The following BEAN1 variants were observed in gnomAD, a reference collection of about 807,000 sequenced individuals.
BEAN1 encodes the protein protein BEAN1.
A neutral mutation model predicts 17.7 loss-of-function variants in BEAN1; 17 were observed. That is an observed-to-expected ratio of 0.96 (90% CI 0.66 to 1.44). BEAN1 has a LOEUF of 1.44. BEAN1 is among the 40% of genes most tolerant of loss of function. The probability of loss-of-function intolerance (pLI) is 0.00; values close to 1 mark genes in which losing one functional copy is unlikely to be tolerated. For missense variants in BEAN1, 359 were observed against 374.1 expected (o/e 0.96, Z 0.33); for synonymous variants, 142 against 151.8 (o/e 0.94, Z 0.47).
chr16:66,460,790 G>C (rs1963053194), intron 2 of BEAN1, among the ~76,000 whole-genome samples: 1 of 152,178 alleles, frequency 6.6e-6, no homozygotes, highest in African/African-American at 2.4e-5. Flanking sequence ...ATAGCATATT[G>C]GCTAAGAGCA....
At chr16:66,464,997 G>A (rs1118034) in intron 2 of BEAN1, among the ~76,000 whole-genome samples, 1 of 152,126 alleles carries the variant, frequency 6.6e-6, no homozygotes, top group African/African-American at 2.4e-5. Flanking sequence ...GAAGGTTTTA[G>A]TATTTCACCA....
intron 2 of BEAN1, among the ~76,000 whole-genome samples, chr16:66,460,948 T>A (rs1400974453): frequency 1.3e-5 from 2 of 152,222 alleles, no homozygotes; most frequent in Non-Finnish European, 2.9e-5. Flanking sequence ...TGAGATAATG[T>A]GGTGCATGAC....
chr16:66,464,764 A>G (rs1012806350), intron 2 of BEAN1, among the ~76,000 whole-genome samples: 1 of 152,180 alleles, frequency 6.6e-6, no homozygotes, highest in Non-Finnish European at 1.5e-5. Flanking sequence ...GTATCTTGCA[A>G]CCTTGCTGAA....
chr16:66,472,346 A>G (rs552000662), intron 3 of BEAN1, among the ~76,000 whole-genome samples: 156 of 152,378 alleles, frequency 1.0e-3, no homozygotes, highest in African/African-American at 3.5e-3. Context: ...GAAGCGCTCC[A>G]TGGGCAAGGT....
chr16:66,456,387 G>A (rs1396974715), intron 2 of BEAN1, among the ~76,000 whole-genome samples: 2 of 152,168 alleles, frequency 1.3e-5, no homozygotes, highest in South Asian at 4.1e-4. Flanking sequence ...TAGCCGGTAG[G>A]TGGGCCCAGC....
intron 2 of BEAN1, among the ~76,000 whole-genome samples, chr16:66,443,624 C>G (rs1962338803): frequency 6.6e-6 from 1 of 152,184 alleles, no homozygotes; most frequent in Admixed American, 6.5e-5. Context: ...AAGTCTGACC[C>G]TAGTGAGTAC....
intron 2 of BEAN1, among the ~76,000 whole-genome samples, chr16:66,452,945 C>T (rs1040652057): frequency 1.3e-5 from 2 of 152,146 alleles, no homozygotes; most frequent in African/African-American, 2.4e-5. Context: ...TCTTTGCGAT[C>T]TTGGGCAAGT....
At chr16:66,455,907 G>A (rs957843652) in intron 2 of BEAN1, among the ~76,000 whole-genome samples, 2 of 152,160 alleles carry the variant, frequency 1.3e-5, no homozygotes, top group African/African-American at 4.8e-5. Flanking sequence ...GGGTGGTCTT[G>A]AGCTCCTGCG....
At chr16:66,448,651 G>A (rs998173039) in intron 2 of BEAN1, among the ~76,000 whole-genome samples, 3 of 151,948 alleles carry the variant, frequency 2.0e-5, no homozygotes, top group South Asian at 2.1e-4. Flanking sequence ...GCAAAACCTC[G>A]TCTCTACTAA....
chr16:66,452,384 G>A (rs953313629), intron 2 of BEAN1, among the ~76,000 whole-genome samples: 1 of 152,216 alleles, frequency 6.6e-6, no homozygotes, highest in Non-Finnish European at 1.5e-5. Flanking sequence ...AGGATCAGAG[G>A]ACAAAATCCT....
At chr16:66,490,024 C>A (rs1362902522) in intron 4 of BEAN1, among the ~76,000 whole-genome samples, 1 of 151,794 alleles carries the variant, frequency 6.6e-6, no homozygotes, top group Admixed American at 6.6e-5. Flanking sequence ...GGTGGCTGTC[C>A]TTCCTGGCGA....
exon 5 of BEAN1, chr16:66,493,421 A>T (rs572041597): frequency 1.6e-6 from 1 of 618,536 alleles, no homozygotes; most frequent in African/African-American, 1.8e-5. Context: ...CAGCCTCCCC[A>T]GTGGCTCTCC....
chr16:66,460,329 G>A (rs887911599), intron 2 of BEAN1, among the ~76,000 whole-genome samples: 1 of 152,238 alleles, frequency 6.6e-6, no homozygotes, highest in East Asian at 1.9e-4. Context: ...AGAGAAGCAT[G>A]CATGAAAAGA....
At chr16:66,463,924 A>T (rs1255298121) in intron 2 of BEAN1, among the ~76,000 whole-genome samples, 1 of 152,160 alleles carries the variant, frequency 6.6e-6, no homozygotes, top group Non-Finnish European at 1.5e-5. Context: ...CTTGCTGAAA[A>T]TCCACTGACC....
At chr16:66,484,404 C>A, downstream of BEAN1, 1 of 357,606 alleles carries the variant, frequency 2.8e-6, no homozygotes, top group Non-Finnish European at 5.5e-6. This position sits in a 1 kb window ranked among gnomAD's most constrained non-coding sequence, Gnocchi z 4.2. Context: ...CTTGGCTTTT[C>A]CTGCTCCTCC....
chr16:66,442,368 C>G (rs1253958144), intron 2 of BEAN1, among the ~76,000 whole-genome samples: 2 of 152,202 alleles, frequency 1.3e-5, no homozygotes, highest in Non-Finnish European at 2.9e-5. Context: ...GGGCAGCCCG[C>G]CTCCCTCTGG....
intron 2 of BEAN1, among the ~76,000 whole-genome samples, chr16:66,460,428 G>C (rs117821816): frequency 6.6e-6 from 1 of 152,140 alleles, no homozygotes; most frequent in African/African-American, 2.4e-5. Context: ...ATCACCCAAG[G>C]GTCCCTACCT....
chr16:66,478,463 G>A (rs904572943), intron 4 of BEAN1, among the ~76,000 whole-genome samples: 7 of 152,140 alleles, frequency 4.6e-5, no homozygotes, highest in South Asian at 2.1e-4. Flanking sequence ...TTCGCCGGGC[G>A]TGGTGGCGGG....
chr16:66,484,600 GCCCCAGGGC>G (rs1267310758), downstream of BEAN1: 4 of 454,006 alleles, frequency 8.8e-6, no homozygotes, highest in Non-Finnish European at 1.8e-5. The surrounding 1 kb of genome is among the most constrained non-coding windows in gnomAD (Gnocchi z 4.2). Flanking sequence ...GGAGACAGGG[GCCCCAGGGC>G]CAGACCCTGG....
Sources: gnomAD v4.1 joint callset for allele counts (sites outside exome capture counted in the v4.1 genomes callset) on GRCh38, gnomAD v4.1.1 for gene constraint, Gnocchi (gnomAD v3.1) non-coding constraint, MANE v1.5 for transcripts, NCBI Gene and HGNC (gene_info 2026-07-23, HGNC 2026-07-21) for gene names.